The following DNER variants were observed in gnomAD, a reference collection of about 807,000 sequenced individuals.
DNER encodes delta/notch like EGF repeat containing.
Under a neutral mutation model 78.2 loss-of-function variants are expected in DNER, and 33 were observed. The ratio of observed to expected loss-of-function variants is 0.42; its 90% CI spans 0.32 to 0.56. The LOEUF (loss-of-function observed/expected upper bound fraction) is 0.56. Among genes scored for constraint, DNER ranks in the 20% least tolerant of loss-of-function variants. DNER has a pLI of 0.11. For missense variants in DNER, 918 were observed against 975.3 expected (o/e 0.94, Z 0.78); for synonymous variants, 417 against 384.8 (o/e 1.08, Z -0.98).
In DNER at chr2:229,591,512, G is replaced by C. The variant is rs1697605965; in HGVS notation, c.585+68C>G. 2.7e-6 allele frequency: 4 copies of C among 1,504,664 alleles called. No individual in the cohort carries two copies. The South Asian group carries it at 5.4e-5, about 20-fold the overall frequency. The allele number at this position is 1,504,664 out of a possible 1,614,324, so 93.2% of individuals were successfully genotyped here. ...CTTTCATTTTTAATTGCTGATACTA[G>C]AACCGCTGGAGTCACTTTAAGATTT... is the stretch of plus-strand genomic sequence containing the variant. On this transcript the variant is annotated intron_variant, in intron 2 of 12. Coordinates refer to ENST00000341772, the MANE Select transcript of DNER (RefSeq NM_139072.4). This position sits in a 1 kb window ranked among gnomAD's most constrained non-coding sequence, Gnocchi z 4.6.
intron 9 of DNER, among the ~76,000 whole-genome samples, chr2:229,409,831 T>G (rs1282487899): frequency 2.0e-5 from 3 of 152,178 alleles, no homozygotes; most frequent in Non-Finnish European, 2.9e-5. Context: ...CTTTGGTGAC[T>G]CACATTTCTA....
chr2:229,530,578 C>G (rs549799940), intron 5 of DNER, among the ~76,000 whole-genome samples: 1 of 152,230 alleles, frequency 6.6e-6, no homozygotes. Context: ...GGCAATGGCC[C>G]GAGAGGGCCT....
At chr2:229,655,535 G>A (rs1171885102) in intron 1 of DNER, among the ~76,000 whole-genome samples, 5 of 152,070 alleles carry the variant, frequency 3.3e-5, no homozygotes, top group East Asian at 1.9e-4. Flanking sequence ...TCACTAAATC[G>A]ATCATTTAGT....
At chr2:229,621,803 G>A (rs1046868117) in intron 1 of DNER, among the ~76,000 whole-genome samples, 1 of 152,120 alleles carries the variant, frequency 6.6e-6, no homozygotes, top group Admixed American at 6.6e-5. Flanking sequence ...GCATATAAAA[G>A]GGCCGGGCGC....
chr2:229,552,347 T>A (rs1170551274), intron 4 of DNER, among the ~76,000 whole-genome samples: 1 of 152,210 alleles, frequency 6.6e-6, no homozygotes, highest in African/African-American at 2.4e-5. Flanking sequence ...CCAATAATAT[T>A]AAATCTGTAG....
chr2:229,566,361 A>G (rs1697108105), intron 4 of DNER, among the ~76,000 whole-genome samples: 1 of 152,168 alleles, frequency 6.6e-6, no homozygotes, highest in African/African-American at 2.4e-5. Context: ...GAGATTTCTC[A>G]TTTGGGTTGC....
chr2:229,529,745 T>C (rs1696267607), intron 5 of DNER, among the ~76,000 whole-genome samples: 1 of 152,202 alleles, frequency 6.6e-6, no homozygotes, highest in African/African-American at 2.4e-5. Context: ...CAATGGCTCA[T>C]GCCTGTAATC....
intron 6 of DNER, among the ~76,000 whole-genome samples, chr2:229,482,289 CCT>C (rs1157259954): frequency 6.6e-6 from 1 of 152,232 alleles, no homozygotes; most frequent in African/African-American, 2.4e-5. Flanking sequence ...TCGCCCAGCC[CCT>C]GTCTTCACTG....
intron 1 of DNER, among the ~76,000 whole-genome samples, chr2:229,620,047 C>T (rs1005362762): frequency 1.3e-5 from 2 of 152,098 alleles, no homozygotes; most frequent in African/African-American, 2.4e-5. Context: ...GAAGTTTCTT[C>T]GCACTTGAGA....
chr2:229,398,169 C>T (rs1375899923), intron 10 of DNER, among the ~76,000 whole-genome samples: 1 of 151,992 alleles, frequency 6.6e-6, no homozygotes, highest in South Asian at 2.1e-4. Flanking sequence ...TTAGCCATAT[C>T]ATAAATAAAG....
chr2:229,382,763 C>A (rs1469755697), intron 11 of DNER, among the ~76,000 whole-genome samples: 1 of 151,958 alleles, frequency 6.6e-6, no homozygotes, highest in African/African-American at 2.4e-5. Context: ...AAATATGGGA[C>A]TATGTGAAAA....
intron 9 of DNER, among the ~76,000 whole-genome samples, chr2:229,409,603 T>C (rs1281259022): frequency 2.0e-5 from 3 of 152,184 alleles, no homozygotes; most frequent in African/African-American, 7.2e-5. Flanking sequence ...TTTCAATCTT[T>C]TGGGTGTTTG....
chr2:229,610,516 G>A (rs937796478), intron 1 of DNER, among the ~76,000 whole-genome samples: 4 of 152,176 alleles, frequency 2.6e-5, no homozygotes, highest in Non-Finnish European at 4.4e-5. Flanking sequence ...CATTTGCTCC[G>A]TTTGGCAATG....
intron 4 of DNER, among the ~76,000 whole-genome samples, chr2:229,549,651 C>T (rs1272746092): frequency 6.6e-6 from 1 of 152,076 alleles, no homozygotes; most frequent in African/African-American, 2.4e-5. Context: ...GTGGCTCATG[C>T]CTGTAACCCC....
chr2:229,706,732 T>C (rs1453654938), intron 1 of DNER, among the ~76,000 whole-genome samples: 1 of 152,142 alleles, frequency 6.6e-6, no homozygotes, highest in Admixed American at 6.5e-5. Flanking sequence ...CATATAACTT[T>C]CATGCAATGT....
At chr2:229,619,014 G>A (rs1698211082) in intron 1 of DNER, among the ~76,000 whole-genome samples, 1 of 152,028 alleles carries the variant, frequency 6.6e-6, no homozygotes, top group African/African-American at 2.4e-5. Flanking sequence ...AAAATTAGCT[G>A]GGCACAATGA....
intron 5 of DNER, among the ~76,000 whole-genome samples, chr2:229,541,664 G>A (rs1421502586): frequency 6.6e-6 from 1 of 151,760 alleles, no homozygotes; most frequent in Non-Finnish European, 1.5e-5. Context: ...ATCAGTTAAA[G>A]ACCCAAAGAG....
chr2:229,375,050 C>T (rs1456818236), intron 11 of DNER, among the ~76,000 whole-genome samples: 1 of 152,096 alleles, frequency 6.6e-6, no homozygotes, highest in African/African-American at 2.4e-5. Flanking sequence ...AAGTCAAGAT[C>T]GAATCACATC....
intron 11 of DNER, among the ~76,000 whole-genome samples, chr2:229,376,772 T>A (rs1692612045): frequency 6.6e-6 from 1 of 152,200 alleles, no homozygotes; most frequent in African/African-American, 2.4e-5. Context: ...GAATATGCAA[T>A]AAATGTCTAA....
Sources: allele counts gnomAD v4.1 joint callset (sites outside exome capture counted in the v4.1 genomes callset), GRCh38; gene constraint gnomAD v4.1.1; non-coding constraint Gnocchi (gnomAD v3.1); transcripts MANE v1.5; gene names NCBI Gene and HGNC (gene_info 2026-07-23, HGNC 2026-07-21).